Variants in ANXA8 observed in about 807,000 individuals in gnomAD.
ANXA8 encodes the protein annexin A8, also known as VAC-beta.
ANXA8 carries 9 observed loss-of-function variants against 26.8 expected under a neutral mutation model. The ratio of observed to expected loss-of-function variants is 0.34; its 90% confidence interval spans 0.20 to 0.59. ANXA8 has a LOEUF of 0.59. Among genes scored for constraint, ANXA8 ranks in the 20% least tolerant of loss-of-function variants. The probability of loss-of-function intolerance (pLI) is 0.84; values close to 1 mark genes in which losing one functional copy is unlikely to be tolerated. For missense variants in ANXA8, 83 were observed against 238.5 expected, an observed-to-expected ratio of 0.35 and a Z score of 4.29; for synonymous variants, 39 against 94.8, an observed-to-expected ratio of 0.41 and a Z score of 3.42.
chr10:47,497,261 G>A, the ANXA8 span, among the ~76,000 whole-genome samples: 1 of 131,970 alleles, frequency 7.6e-6, no homozygotes, highest in Non-Finnish European at 1.6e-5. Context: ...AGAGGCTGCA[G>A]TGAGCTGAGA....
chr10:47,659,098 C>T, the ANXA8 span, among the ~76,000 whole-genome samples: 1 of 151,848 alleles, frequency 6.6e-6, no homozygotes, highest in Non-Finnish European at 1.5e-5. Context: ...GTCTCGATCT[C>T]CTGACCTCGT....
the ANXA8 span, among the ~76,000 whole-genome samples, chr10:47,644,549 A>G: frequency 6.6e-6 from 1 of 152,096 alleles, no homozygotes; most frequent in Non-Finnish European, 1.5e-5. Flanking sequence ...GGTTGACAGT[A>G]TAGCTAGCTA....
At chr10:47,672,527 T>C in the ANXA8 span, among the ~76,000 whole-genome samples, 1 of 151,606 alleles carries the variant, frequency 6.6e-6, no homozygotes, top group South Asian at 2.1e-4. Context: ...TCATATTTGC[T>C]CCCTATCATT....
At chr10:47,595,715 A>C in the ANXA8 span, among the ~76,000 whole-genome samples, 51 of 149,544 alleles carry the variant, frequency 3.4e-4, 3 homozygotes, top group African/African-American at 1.0e-3. Flanking sequence ...ATAATTAACT[A>C]TCTTAAATAA....
the ANXA8 span, among the ~76,000 whole-genome samples, chr10:47,962,671 C>CAGTCCTGTGCATGCACACAAGTGTAT: frequency 7.1e-6 from 1 of 141,518 alleles, no homozygotes; most frequent in African/African-American, 2.6e-5. Flanking sequence ...CTTATAAGCA[C>CAGTCCTGTGCATGCACACAAGTGTAT]ACACAGTCCT....
chr10:47,735,033 A>T, the ANXA8 span, among the ~76,000 whole-genome samples: 1 of 148,464 alleles, frequency 6.7e-6, no homozygotes, highest in Non-Finnish European at 1.5e-5. Flanking sequence ...AAAAAAAAAA[A>T]ATTATAAACT....
At chr10:47,770,101 G>A in the ANXA8 span, among the ~76,000 whole-genome samples, 10 of 147,298 alleles carry the variant, frequency 6.8e-5, no homozygotes, top group Admixed American at 5.4e-4. Flanking sequence ...ACTAAAAGGA[G>A]GCACCAAGCC....
chr10:47,768,600 G>A, the ANXA8 span, among the ~76,000 whole-genome samples: 2 of 151,000 alleles, frequency 1.3e-5, 1 homozygote, highest in African/African-American at 4.9e-5. Flanking sequence ...CGGCTGGCCA[G>A]GGCTGGGGAG....
At chr10:47,988,897 CAAAT>C in the ANXA8 span, among the ~76,000 whole-genome samples, 3 of 151,798 alleles carry the variant, frequency 2.0e-5, no homozygotes, top group South Asian at 2.1e-4. Context: ...TGTTTAAAAA[CAAAT>C]AAAGTTGTGC....
chr10:47,651,372 T>C, the ANXA8 span, among the ~76,000 whole-genome samples: 7 of 151,264 alleles, frequency 4.6e-5, 1 homozygote, highest in Non-Finnish European at 1.0e-4. Context: ...TCCTTACTTA[T>C]AGAGATGTAA....
At chr10:47,647,826 T>C in the ANXA8 span, among the ~76,000 whole-genome samples, 2 of 151,936 alleles carry the variant, frequency 1.3e-5, no homozygotes, top group Non-Finnish European at 2.9e-5. Context: ...TATGAGTTAA[T>C]ATTAAAATTT....
At chr10:47,520,957 T>C in the ANXA8 span, among the ~76,000 whole-genome samples, 26 of 121,242 alleles carry the variant, frequency 2.1e-4, no homozygotes, top group African/African-American at 8.2e-4. Context: ...GTCTATTTTA[T>C]AGGCAAAATA....
At chr10:47,567,023 G>A in the ANXA8 span, among the ~76,000 whole-genome samples, 1 of 147,058 alleles carries the variant, frequency 6.8e-6, no homozygotes, top group Admixed American at 6.7e-5. Flanking sequence ...TTCCAGGTCC[G>A]TCCCCCACCT....
chr10:47,522,417 C>T, the ANXA8 span, among the ~76,000 whole-genome samples: 1 of 150,170 alleles, frequency 6.7e-6, no homozygotes, highest in Non-Finnish European at 1.5e-5. Context: ...CAAACACACA[C>T]ACACAACCAT....
chr10:47,533,327 C>T, the ANXA8 span, among the ~76,000 whole-genome samples: 208 of 149,144 alleles, frequency 1.4e-3, no homozygotes, highest in East Asian at 0.011. Context: ...TCTGGAGCCC[C>T]TTATCAGATG....
chr10:47,520,947 G>A, the ANXA8 span, among the ~76,000 whole-genome samples: 1 of 120,584 alleles, frequency 8.3e-6, no homozygotes, highest in African/African-American at 3.7e-5. Flanking sequence ...TTAAAAGACA[G>A]TCTATTTTAT....
chr10:47,762,232 A>C, the ANXA8 span, among the ~76,000 whole-genome samples: 1 of 152,030 alleles, frequency 6.6e-6, no homozygotes, highest in Non-Finnish European at 1.5e-5. Context: ...GGGGAGGAAG[A>C]GGGGGCAAGG....
At chr10:47,940,104 G>T in the ANXA8 span, among the ~76,000 whole-genome samples, 1 of 151,334 alleles carries the variant, frequency 6.6e-6, no homozygotes, top group African/African-American at 2.4e-5. Flanking sequence ...ACTTTTCCTG[G>T]CTCCCTTGTT....
chr10:47,566,631 A>C, the ANXA8 span, among the ~76,000 whole-genome samples: 2 of 145,154 alleles, frequency 1.4e-5, no homozygotes, highest in African/African-American at 2.6e-5. Context: ...GAGGACATGC[A>C]TTGGGCCCCA....
Sources: gnomAD v4.1 joint callset for allele counts (sites outside exome capture counted in the v4.1 genomes callset) on GRCh38, gnomAD v4.1.1 for gene constraint, MANE v1.5 for transcripts, NCBI Gene and HGNC (gene_info 2026-07-23, HGNC 2026-07-21) for gene names.